Variants in IAH1 observed in about 807,000 individuals in gnomAD.
IAH1 encodes isoamyl acetate hydrolyzing esterase 1 (putative), also known as isoamyl acetate-hydrolyzing esterase 1 homolog.
IAH1 carries 24 observed loss-of-function variants against 26.7 expected under a neutral mutation model. The observed-to-expected ratio is 0.90, with a 90% confidence interval of 0.65 to 1.26. The LOEUF is 1.26. Among genes scored for constraint, IAH1 ranks in the 50% most tolerant of loss-of-function variants. The probability of loss-of-function intolerance (pLI) is 0.00; values close to 1 mark genes in which losing one functional copy is unlikely to be tolerated. For missense variants in IAH1, 300 were observed against 299.9 expected, an observed-to-expected ratio of 1.00 and a Z score of 0.00; for synonymous variants, 140 against 118.5, an observed-to-expected ratio of 1.18 and a Z score of -1.18.
rs34525911 is a variant in IAH1 at position 9,489,259 on chromosome 2, ATTTTTTTTTTTT to A, written c.*943_*954del. The A allele has an allele frequency of 2.3e-5, 2 of 87,412 alleles. No individual in the cohort carries two copies. The highest frequency in any genetic ancestry group is 6.5e-5 in the African/African-American group (1 of 15,492). The allele number at this position is 87,412 out of a possible 1,614,324, so 5.4% of individuals were successfully genotyped here. On this transcript the variant is annotated 3_prime_UTR_variant, in exon 6 of 6. Transcript: ENST00000497473. Reference sequence around the variant, plus strand: ...AATATTCTAGGTTTGTAGATAGTGAATTTTTTTTTTTTTTTTTTTTTTTTGAGGCAGAGTCTC... The same window carrying A: ...AATATTCTAGGTTTGTAGATAGTGAATTTTTTTTTTTTGAGGCAGAGTCTC...
intron 6 of IAH1, among the ~76,000 whole-genome samples, chr2:9,495,294 G>C (rs1056209775): frequency 2.0e-5 from 3 of 152,252 alleles, no homozygotes; most frequent in Non-Finnish European, 4.4e-5. Context: ...CAGGTCACAG[G>C]ATAAAACACC....
rs1363095531 is a variant in IAH1 at position 9,474,803 on chromosome 2, C to T, written c.81+156C>T. ...AGACACCGGAGGAGTGGCGGGTCCC[C>T]CAGTGGCTGCGCCTTCCGGGCCCGC... On this transcript the variant is annotated intron_variant, in intron 1 of 5. Transcript: ENST00000497473. The surrounding 1 kb of genome is among the most constrained non-coding windows in gnomAD (Gnocchi z 4.3). 7.0e-6 allele frequency: 4 copies of T among 567,616 alleles called. No individual in the cohort carries two copies. The highest frequency in any genetic ancestry group is 1.1e-5 in the Non-Finnish European group (4 of 365,072). 35.2% of individuals were successfully genotyped at this position (567,616 alleles called of 1,614,324 possible). A position where few individuals can be genotyped will look rare whatever the true frequency, so the allele number is the denominator to read the frequency against.
chr2:9,505,148 T>G, the IAH1 span: 1 of 1,613,938 alleles, frequency 6.2e-7, no homozygotes, highest in East Asian at 2.2e-5. Context: ...CCAAAATCCC[T>G]GTGGAGAGAC....
chr2:9,493,838 AACAT>A (rs1662349744), downstream of IAH1: 7 of 1,606,328 alleles, frequency 4.4e-6, no homozygotes, highest in Admixed American at 1.7e-5. Context: ...ATGAAGAAAA[AACAT>A]ACATACAGCA....
the IAH1 span, among the ~76,000 whole-genome samples, chr2:9,502,598 G>A: frequency 7.2e-5 from 11 of 152,106 alleles, no homozygotes; most frequent in Non-Finnish European, 1.2e-4. Flanking sequence ...TGGGCTGGGC[G>A]AGGTGGCTCA....
At chr2:9,477,803 C>G (rs1032691372) in intron 2 of IAH1, among the ~76,000 whole-genome samples, 1 of 152,128 alleles carries the variant, frequency 6.6e-6, no homozygotes, top group African/African-American at 2.4e-5. Context: ...AACCAGAAAT[C>G]TCAAATATTC....
chr2:9,479,033 G>A lies in IAH1; in HGVS notation c.283+663G>A, dbSNP rs563231822. ...AGAAGTGCTGTGGTCTGCTATTCAC[G>A]GGCACACCGTAGGAGACCTCTGAGT... is the stretch of plus-strand genomic sequence containing the variant. On this transcript the variant is annotated intron_variant, in intron 3 of 5. Coordinates refer to ENST00000497473, the MANE Select transcript of IAH1 (RefSeq NM_001039613.3). 3.3e-5 allele frequency among the ~76,000 whole-genome samples: 5 copies of A among 152,196 alleles called. No individual in the cohort carries two copies. The South Asian group carries it at 8.3e-4, about 25-fold the overall frequency.
At position 9,487,788 on chromosome 2, in the gene IAH1, T is replaced by TTGTGTGTG. The variant is rs70948823; in HGVS notation, c.565-320_565-313dup. On this transcript the variant is annotated intron_variant, in intron 5 of 5. Coordinates refer to ENST00000497473, the MANE Select transcript of IAH1 (RefSeq NM_001039613.3). ...GTTATACCCTCCCTCCCCGGCCTTT[T>TTGTGTGTG]TGTGTGTGTGTGTGTGTGTGTGTGT... Among the ~76,000 whole-genome samples, 415 of 134,006 alleles carry TTGTGTGTG rather than the reference T, an allele frequency of 3.1e-3. 3 individuals carry two copies. Among genetic ancestry groups the TTGTGTGTG allele is most frequent in the African/African-American group, 8.6e-3 (298 of 34,508 alleles). The allele number at this position is 134,006 out of a possible 152,430, so 87.9% of individuals were successfully genotyped here. A position where few individuals can be genotyped will look rare whatever the true frequency, so the allele number is the denominator to read the frequency against.
chr2:9,482,680 G>A (rs542296269), intron 4 of IAH1, among the ~76,000 whole-genome samples: 13 of 152,254 alleles, frequency 8.5e-5, no homozygotes, highest in Non-Finnish European at 1.6e-4. Flanking sequence ...TTACTGTTGA[G>A]TGGGGTTGTA....
the IAH1 span, among the ~76,000 whole-genome samples, chr2:9,511,997 A>G: frequency 7.6e-6 from 1 of 131,100 alleles, no homozygotes; most frequent in Non-Finnish European, 1.8e-5. Context: ...ATAAAATAAA[A>G]TAAATATATA....
At chr2:9,500,094 T>C (rs1376815822), downstream of IAH1, among the ~76,000 whole-genome samples, 4 of 151,962 alleles carry the variant, frequency 2.6e-5, no homozygotes, top group African/African-American at 4.8e-5. Flanking sequence ...AACTCATAGA[T>C]AAATGTTCAC....
At chr2:9,482,708 C>G (rs12468055) in intron 4 of IAH1, among the ~76,000 whole-genome samples, 5 of 151,986 alleles carry the variant, frequency 3.3e-5, no homozygotes, top group Admixed American at 6.5e-5. Flanking sequence ...CCCTTGCTCT[C>G]AAAGGGCCTG....
At chr2:9,490,642 G>A, downstream of IAH1, 1 of 1,006,430 alleles carries the variant, frequency 9.9e-7, no homozygotes, top group Non-Finnish European at 1.4e-6. Flanking sequence ...AGAAAAAAGT[G>A]CTAGGTGAGG....
At chr2:9,509,857 G>T in the IAH1 span, 1 of 1,280,382 alleles carries the variant, frequency 7.8e-7, no homozygotes, top group Non-Finnish European at 1.1e-6. Context: ...AAGGTACTTT[G>T]TAATTTGCAC....
chr2:9,487,842 G>GCGCGCGCGCGCA (rs1553354428), intron 5 of IAH1, among the ~76,000 whole-genome samples: 3 of 139,526 alleles, frequency 2.2e-5, no homozygotes, highest in African/African-American at 8.8e-5. Context: ...GTGCGCGCGC[G>GCGCGCGCGCGCA]CGCGCGCGCT....
At chr2:9,490,181 C>T, downstream of IAH1, 1 of 1,590,356 alleles carries the variant, frequency 6.3e-7, no homozygotes, top group Non-Finnish European at 8.6e-7. Flanking sequence ...ACTAAATTAG[C>T]ACTCTGTTTC....
chr2:9,509,899 A>C, the IAH1 span: 1 of 1,536,662 alleles, frequency 6.5e-7, no homozygotes, highest in Non-Finnish European at 8.8e-7. Context: ...TAGGAATGGA[A>C]TACGTTTCTG....
downstream of IAH1, chr2:9,497,150 C>A: frequency 6.2e-7 from 1 of 1,614,178 alleles, no homozygotes; most frequent in Non-Finnish European, 8.5e-7. Context: ...TGTTCCCTCT[C>A]GCAGAAAGGG....
intron 1 of IAH1, chr2:9,475,342 G>A (rs748089992): frequency 3.8e-6 from 2 of 526,236 alleles, no homozygotes; most frequent in Admixed American, 4.9e-5. Context: ...AGGCATATGG[G>A]GCAGTCAGAG....
Sources: gnomAD v4.1 joint callset for allele counts (sites outside exome capture counted in the v4.1 genomes callset) on GRCh38, gnomAD v4.1.1 for gene constraint, Gnocchi (gnomAD v3.1) non-coding constraint, MANE v1.5 for transcripts, NCBI Gene and HGNC (gene_info 2026-07-23, HGNC 2026-07-21) for gene names.